The following TTC12 variants were observed in gnomAD, a reference collection of about 807,000 sequenced individuals.
TTC12 encodes tetratricopeptide repeat domain 12.
TTC12 carries 70 observed loss-of-function variants against 90.1 expected under a neutral mutation model. The observed-to-expected ratio is 0.78, with a 90% CI of 0.64 to 0.95. The LOEUF is 0.95. TTC12 is among the 40% of genes least tolerant of loss of function. The pLI, the probability that TTC12 is intolerant of heterozygous loss-of-function variation, is 0.00. For missense variants in TTC12, 819 were observed against 846.1 expected (o/e 0.97, Z 0.40); for synonymous variants, 296 against 311.5 (o/e 0.95, Z 0.53).
At chr11:113,318,487 G>A (rs1365287640) in intron 2 of TTC12, among the ~76,000 whole-genome samples, 2 of 152,150 alleles carry the variant, frequency 1.3e-5, no homozygotes, top group South Asian at 2.1e-4. Flanking sequence ...CATATATTTG[G>A]TGTTTCTCTT....
rs1421497667 is a variant in TTC12 at position 113,351,251 on chromosome 11, G to A, written c.1260G>A (p.Trp420Ter). 1.9e-6 allele frequency: 3 copies of A among 1,614,074 alleles called. No individual in the cohort carries two copies. In the Admixed American group the frequency reaches 5.0e-5, roughly 27 times the overall value. Reference sequence around the variant, plus strand: ...GGTTTCTCAACAGATTCCAAGTCTGGTTCCAGGCCAACCTTCCAGGTGTTC... The same window carrying A: ...GGTTTCTCAACAGATTCCAAGTCTGATTCCAGGCCAACCTTCCAGGTGTTC... Reference protein sequence around the residue: ...DLALEERFQVWFQANLPGVLP... With the variant: ...DLALEERFQV The change falls in exon 15 of 22, where the codon TGG (tryptophan) becomes TGA (stop). Residue 420 changes from tryptophan to a stop codon, truncating the protein, a stop_gained. Coordinates refer to ENST00000529221, the MANE Select transcript of TTC12 (RefSeq NM_017868.4). LOFTEE classifies it high-confidence loss of function.
chr11:113,330,282 C>T (rs1947972575), intron 7 of TTC12, among the ~76,000 whole-genome samples: 1 of 152,212 alleles, frequency 6.6e-6, no homozygotes, highest in Non-Finnish European at 1.5e-5. Context: ...GGAAATGCCT[C>T]CTTCTGTCTT....
chr11:113,366,151 G>T, intron 21 of TTC12, 74 bp from the exon 22 acceptor site: 2 of 1,521,354 alleles, frequency 1.3e-6, no homozygotes, highest in Non-Finnish European at 1.8e-6. Context: ...CCATCTGAGA[G>T]GGTGTTGGCT....
At chr11:113,327,160 T>A (rs1259638191) in intron 6 of TTC12, among the ~76,000 whole-genome samples, 1 of 152,232 alleles carries the variant, frequency 6.6e-6, no homozygotes, top group Non-Finnish European at 1.5e-5. Flanking sequence ...TCATCTAAAT[T>A]ATATTTTCAC....
At chr11:113,353,945 GCTT>G (rs781820239) in intron 16 of TTC12, among the ~76,000 whole-genome samples, 17 of 152,128 alleles carry the variant, frequency 1.1e-4, no homozygotes, top group Non-Finnish European at 1.8e-4. Flanking sequence ...GGCTATTCAG[GCTT>G]CTTTTTGGTT....
At chr11:113,320,179 G>C (rs1411356452) in intron 2 of TTC12, among the ~76,000 whole-genome samples, 2 of 152,114 alleles carry the variant, frequency 1.3e-5, no homozygotes, top group African/African-American at 2.4e-5. Flanking sequence ...ATAGTGGATA[G>C]AAGAGGGTGG....
In TTC12 at chr11:113,323,030, T is replaced by C. The variant is rs575169227; in HGVS notation, c.59-258T>C. On this transcript the variant is annotated intron_variant, in intron 2 of 21. Transcript: ENST00000529221. ...ATAATGAGCTCTCCATAAATTATTGTTGAATTGAATAATGGCTTAAAACTC... is the reference window on the plus strand; with the variant it reads ...ATAATGAGCTCTCCATAAATTATTGCTGAATTGAATAATGGCTTAAAACTC... Among the ~76,000 whole-genome samples, 5 of 151,828 alleles carry C rather than the reference T, an allele frequency of 3.3e-5. No homozygotes were observed. In the East Asian group the frequency reaches 9.7e-4, roughly 29 times the overall value.
chr11:113,345,282 C>T (rs1948886353), intron 13 of TTC12, among the ~76,000 whole-genome samples: 1 of 152,164 alleles, frequency 6.6e-6, no homozygotes, highest in Admixed American at 6.5e-5. Flanking sequence ...TTTTTTCATT[C>T]ACTGCTATTT....
At chr11:113,365,181 G>C (rs1335106823) in intron 21 of TTC12, 121 bp downstream of exon 21, 5 of 884,442 alleles carry the variant, frequency 5.7e-6, no homozygotes, top group East Asian at 5.3e-5. Context: ...CATGCTTTCT[G>C]TGCAGACCTA....
At chr11:113,348,509 C>A (rs1434189330) in intron 13 of TTC12, among the ~76,000 whole-genome samples, 1 of 152,166 alleles carries the variant, frequency 6.6e-6, no homozygotes, top group Non-Finnish European at 1.5e-5. Context: ...CACAGTTCTC[C>A]CCTGGTTGAA....
intron 1 of TTC12, chr11:113,315,104 C>T (rs1217169446): frequency 1.3e-5 from 2 of 152,214 alleles, no homozygotes; most frequent in African/African-American, 4.8e-5. Context: ...ATTCACTGGA[C>T]TAGGCCTCTG....
At chr11:113,335,539 T>C (rs1006230472) in intron 8 of TTC12, among the ~76,000 whole-genome samples, 1 of 152,162 alleles carries the variant, frequency 6.6e-6, no homozygotes, top group Non-Finnish European at 1.5e-5. Context: ...TAAAAAATTT[T>C]CATCCCTTCC....
chr11:113,365,381 T>G, intron 21 of TTC12: 1 of 282,526 alleles, frequency 3.5e-6, no homozygotes. Context: ...ATCCTCCTTC[T>G]TCCCCTCCCT....
intron 1 of TTC12, chr11:113,314,856 C>G (rs1946823003): frequency 6.6e-6 from 1 of 152,392 alleles, no homozygotes; most frequent in Non-Finnish European, 1.5e-5. Flanking sequence ...CAGCGCGCGT[C>G]TGGGGCAGGC....
At chr11:113,329,660 A>G (rs568504227) in intron 6 of TTC12, 6 of 564,326 alleles carry the variant, frequency 1.1e-5, no homozygotes, top group African/African-American at 9.3e-5. Context: ...ATGGCTGTCC[A>G]CTGTTGCTAG....
At position 113,317,736 on chromosome 11, in the gene TTC12, C is replaced by T. The variant is rs550141202; in HGVS notation, c.58+1421C>T. The stretch of plus-strand genomic sequence containing the variant: ...GAGCAGCAATAAACTGCTGATACTT[C>T]GCCACACATACTCTGTGTTTCACAC... On this transcript the variant is annotated intron_variant, in intron 2 of 21. Coordinates refer to ENST00000529221, the MANE Select transcript of TTC12 (RefSeq NM_017868.4). 3.9e-5 allele frequency among the ~76,000 whole-genome samples: 6 copies of T among 152,256 alleles called. No homozygotes were observed. The South Asian group carries it at 6.2e-4, about 16-fold the overall frequency.
chr11:113,341,075 C>A (rs930355135), intron 11 of TTC12, among the ~76,000 whole-genome samples: 1 of 152,194 alleles, frequency 6.6e-6, no homozygotes, highest in Non-Finnish European at 1.5e-5. Flanking sequence ...ACTAAAAATA[C>A]AAAAATTAGC....
intron 19 of TTC12, 134 bp from the exon 20 acceptor site, chr11:113,363,694 C>T (rs556225502): frequency 1.4e-5 from 9 of 634,236 alleles, no homozygotes; most frequent in African/African-American, 1.3e-4. Context: ...CCAGGAAGCA[C>T]ATGCCGTTCT....
At chr11:113,323,102 C>CAA (rs34496236) in intron 2 of TTC12, among the ~76,000 whole-genome samples, 186 bp from the exon 3 acceptor site, 225 of 79,348 alleles carry the variant, frequency 2.8e-3, no homozygotes, top group South Asian at 5.6e-3. Context: ...TTTTTCTAGG[C>CAA]AAAAAAAAAA....
Sources: gnomAD v4.1 joint callset for allele counts (sites outside exome capture counted in the v4.1 genomes callset) on GRCh38, gnomAD v4.1.1 for gene constraint, MANE v1.5 for transcripts, NCBI Gene and HGNC (gene_info 2026-07-23, HGNC 2026-07-21) for gene names.